Variants in FUT8 observed in about 807,000 individuals in gnomAD.
The protein encoded by FUT8 is alpha-(1,6)-fucosyltransferase.
A neutral mutation model predicts 71.3 loss-of-function variants in FUT8; 29 were observed. That is an observed-to-expected ratio of 0.41 (90% CI 0.30 to 0.55). FUT8 has a LOEUF of 0.55. FUT8 is among the 20% of genes least tolerant of loss of function. The pLI, the probability that FUT8 is intolerant of heterozygous loss-of-function variation, is 0.34. For missense variants in FUT8, 544 were observed against 702.1 expected (o/e 0.77, Z 2.55); for synonymous variants, 254 against 239.3 (o/e 1.06, Z -0.57).
the FUT8 span, among the ~76,000 whole-genome samples, chr14:65,361,292 G>A: frequency 9.8e-4 from 146 of 148,378 alleles, 1 homozygote; most frequent in Non-Finnish European, 1.8e-3. Flanking sequence ...GGAGGCGGAG[G>A]TTGTGGTGAG....
At chr14:65,569,036 A>C (rs10130526) in intron 3 of FUT8, among the ~76,000 whole-genome samples, 3,650 of 151,918 alleles carry the variant, frequency 0.024, 108 homozygotes, top group East Asian at 0.093. Context: ...GTAATTTTTA[A>C]AAGCATTTAA....
intron 7 of FUT8, among the ~76,000 whole-genome samples, chr14:65,673,461 G>C (rs141728127): frequency 6.6e-6 from 1 of 152,206 alleles, no homozygotes; most frequent in Admixed American, 6.5e-5. Flanking sequence ...GTATGGTTAA[G>C]ACTACCCTGA....
intron 5 of FUT8, among the ~76,000 whole-genome samples, chr14:65,620,482 G>A (rs1193584561): frequency 6.6e-6 from 1 of 152,176 alleles, no homozygotes; most frequent in East Asian, 1.9e-4. Context: ...GACTCAAGGG[G>A]TACACTGGGA....
rs185321430 is a variant in FUT8, at chr14:65,508,414, T to G, written c.-228+52696T>G. On this transcript the variant is annotated intron_variant, in intron 2 of 10. Transcript: ENST00000673929. ...TGTTTGCTAGTTGTATGTCTGTTTT[T>G]TTTTTGAAAATGTCTGTTCAGAACT... Among the ~76,000 whole-genome samples the G allele has an allele frequency of 3.3e-5, 5 of 151,750 alleles. No homozygotes were observed. The East Asian group carries it at 9.7e-4, about 29-fold the overall frequency.
intron 6 of FUT8, chr14:65,645,997 C>T (rs1348826865): frequency 6.6e-6 from 1 of 152,198 alleles, no homozygotes; most frequent in Admixed American, 6.5e-5. Flanking sequence ...ATTTGCTACC[C>T]AACACTAATA....
Position 65,742,416 on chromosome 14 carries a change from A to G in FUT8, c.*6A>G. Reference sequence around the variant, plus strand: ...ATCCTGAGGCTGAGAAATAAAGCTCAGATGGAAGAGATAAACGACCAAACT... The same window carrying G: ...ATCCTGAGGCTGAGAAATAAAGCTCGGATGGAAGAGATAAACGACCAAACT... On this transcript the variant is annotated 3_prime_UTR_variant, in exon 11 of 11. Coordinates refer to ENST00000673929, the MANE Select transcript of FUT8 (RefSeq NM_001371533.1). 1 of 1,605,762 alleles carries G rather than the reference A, an allele frequency of 6.2e-7. No individual in the cohort carries two copies. Among genetic ancestry groups the G allele is most frequent in the Non-Finnish European group, 8.5e-7 (1 of 1,174,740 alleles).
At chr14:65,487,133 G>A (rs1333488176) in intron 2 of FUT8, among the ~76,000 whole-genome samples, 1 of 152,214 alleles carries the variant, frequency 6.6e-6, no homozygotes, top group Non-Finnish European at 1.5e-5. Flanking sequence ...GAGAAGGATG[G>A]TGGAATTTTT....
At chr14:65,405,125 C>A in the FUT8 span, among the ~76,000 whole-genome samples, 1 of 152,186 alleles carries the variant, frequency 6.6e-6, no homozygotes, top group Non-Finnish European at 1.5e-5. Flanking sequence ...GTCATCACAT[C>A]ATCATGCCTC....
At chr14:65,693,595 G>C (rs1256966099) in intron 7 of FUT8, among the ~76,000 whole-genome samples, 2 of 152,188 alleles carry the variant, frequency 1.3e-5, no homozygotes, top group African/African-American at 4.8e-5. Flanking sequence ...GGTTTGATTT[G>C]CTAATATTTT....
At chr14:65,565,613 T>C (rs1184762511) in intron 3 of FUT8, among the ~76,000 whole-genome samples, 1 of 152,040 alleles carries the variant, frequency 6.6e-6, no homozygotes, top group Admixed American at 6.6e-5. Context: ...CTGTACCGTT[T>C]TGAAATTCCT....
At chr14:65,663,235 T>C (rs963359662) in intron 6 of FUT8, among the ~76,000 whole-genome samples, 10 of 152,108 alleles carry the variant, frequency 6.6e-5, no homozygotes, top group Admixed American at 2.6e-4. Flanking sequence ...ATCCCTTTTA[T>C]AGAGTCCCAT....
intron 2 of FUT8, among the ~76,000 whole-genome samples, chr14:65,533,804 A>G (rs916604707): frequency 2.0e-5 from 3 of 152,172 alleles, no homozygotes; most frequent in Admixed American, 2.0e-4. Context: ...TGTTCCTTCA[A>G]TACCTAGTTC....
intron 1 of FUT8, among the ~76,000 whole-genome samples, chr14:65,417,705 CTTT>C (rs2065238966): frequency 6.6e-6 from 1 of 152,068 alleles, no homozygotes; most frequent in Non-Finnish European, 1.5e-5. Context: ...TATAAATCTT[CTTT>C]TAATTAACAA....
At chr14:65,394,339 A>G in the FUT8 span, among the ~76,000 whole-genome samples, 9 of 152,172 alleles carry the variant, frequency 5.9e-5, no homozygotes, top group African/African-American at 2.2e-4. Flanking sequence ...AACCACCACT[A>G]TGATTCAATT....
At chr14:65,699,132 ACTCC>A (rs1226376889) in intron 7 of FUT8, among the ~76,000 whole-genome samples, 2 of 144,370 alleles carry the variant, frequency 1.4e-5, no homozygotes, top group Non-Finnish European at 3.0e-5. Context: ...TCATGTAAAC[ACTCC>A]CTCCCTTCTA....
chr14:65,390,648 GC>G, the FUT8 span, among the ~76,000 whole-genome samples: 1 of 151,510 alleles, frequency 6.6e-6, no homozygotes. Flanking sequence ...TTTAAAGGAG[GC>G]AAACCACACC....
At chr14:65,633,170 C>T (rs1432153729) in intron 6 of FUT8, among the ~76,000 whole-genome samples, 19 of 152,240 alleles carry the variant, frequency 1.2e-4, no homozygotes, top group African/African-American at 1.9e-4. Context: ...AGGCGCGCGC[C>T]GCCACGCCTG....
At chr14:65,428,079 C>A (rs2065416250) in intron 1 of FUT8, among the ~76,000 whole-genome samples, 1 of 152,156 alleles carries the variant, frequency 6.6e-6, no homozygotes, top group Non-Finnish European at 1.5e-5. Flanking sequence ...ACATGGTTAA[C>A]CACTTGTCCC....
At chr14:65,705,333 T>G (rs1302574556) in intron 7 of FUT8, among the ~76,000 whole-genome samples, 1 of 152,230 alleles carries the variant, frequency 6.6e-6, no homozygotes, top group Non-Finnish European at 1.5e-5. Context: ...AAAACAGATC[T>G]CTGTCATTAA....
Sources: allele counts gnomAD v4.1 joint callset (sites outside exome capture counted in the v4.1 genomes callset), GRCh38; gene constraint gnomAD v4.1.1; transcripts MANE v1.5; gene names NCBI Gene and HGNC (gene_info 2026-07-23, HGNC 2026-07-21).